MAGI2: variants seen among roughly 807,000 people sequenced by gnomAD.
MAGI2 encodes the protein membrane-associated guanylate kinase, WW and PDZ domain-containing protein 2.
In MAGI2, 35 loss-of-function variants were observed where a neutral mutation model predicts 133.3. The observed-to-expected ratio is 0.26, with a 90% CI of 0.20 to 0.35. The LOEUF (loss-of-function observed/expected upper bound fraction) is 0.35. MAGI2 is among the 10% of genes least tolerant of loss of function. The pLI is 1.00. For synonymous variants in MAGI2, 729 were observed against 710.6 expected (o/e 1.03, Z -0.41); for missense variants, 1,636 against 1,863.4 (o/e 0.88, Z 2.25).
At chr7:79,416,692 T>A (rs1219052251) in intron 1 of MAGI2, among the ~76,000 whole-genome samples, 1 of 150,778 alleles carries the variant, frequency 6.6e-6, no homozygotes, top group Non-Finnish European at 1.5e-5. Flanking sequence ...TACACAGAGG[T>A]CCATTGTTTC....
chr7:78,760,462 G>C (rs192666584), intron 2 of MAGI2, among the ~76,000 whole-genome samples: 45 of 149,774 alleles, frequency 3.0e-4, no homozygotes, highest in African/African-American at 9.4e-4. Flanking sequence ...TCCTGGGTTC[G>C]AGCGATTCTC....
intron 1 of MAGI2, among the ~76,000 whole-genome samples, chr7:79,216,519 G>A (rs187151075): frequency 6.6e-6 from 1 of 151,920 alleles, no homozygotes; most frequent in East Asian, 1.9e-4. Flanking sequence ...TGTAATACAG[G>A]CCCACTTGAG....
At chr7:78,243,914 C>T (rs1791458568) in intron 10 of MAGI2, among the ~76,000 whole-genome samples, 1 of 151,754 alleles carries the variant, frequency 6.6e-6, no homozygotes, top group African/African-American at 2.4e-5. Context: ...GTAATTATTC[C>T]CTCCTCTACA....
intron 21 of MAGI2, among the ~76,000 whole-genome samples, chr7:78,028,869 A>T (rs1809252592): frequency 6.7e-6 from 1 of 148,980 alleles, no homozygotes; most frequent in South Asian, 2.1e-4. Flanking sequence ...AAAAAAAAAA[A>T]GAACTATGTT....
chr7:78,891,632 A>C (rs540099161), intron 2 of MAGI2, among the ~76,000 whole-genome samples: 1 of 152,260 alleles, frequency 6.6e-6, no homozygotes, highest in South Asian at 2.1e-4. Flanking sequence ...AAAAACTACA[A>C]GATTATCTCA....
At position 78,531,530 on chromosome 7, in the gene MAGI2, T is replaced by C. The variant is rs564416367; in HGVS notation, c.539-9885A>G. Among the ~76,000 whole-genome samples, 314 of 152,256 alleles carry C rather than the reference T, an allele frequency of 2.1e-3. 1 individual carries two copies. The highest frequency in any genetic ancestry group is 7.3e-3 in the African/African-American group (303 of 41,552). On this transcript the variant is annotated intron_variant, in intron 3 of 21. Transcript: ENST00000354212. ...CCTGGCCTTATTTAAGATTTTTAAGTGTCTAGTGAGCTCAATGCTTAAGAG... is the reference window on the plus strand; with the variant it reads ...CCTGGCCTTATTTAAGATTTTTAAGCGTCTAGTGAGCTCAATGCTTAAGAG...
At chr7:78,690,770 T>A (rs1816871476) in intron 2 of MAGI2, among the ~76,000 whole-genome samples, 1 of 152,230 alleles carries the variant, frequency 6.6e-6, no homozygotes, top group African/African-American at 2.4e-5. Context: ...GGATGAAAAC[T>A]TTTTAATGAT....
chr7:79,229,717 A>G (rs889872972), intron 1 of MAGI2, among the ~76,000 whole-genome samples: 6 of 152,152 alleles, frequency 3.9e-5, no homozygotes, highest in Non-Finnish European at 5.9e-5. Flanking sequence ...AACTGATGAT[A>G]TGACTTCTCA....
At chr7:78,185,126 A>T (rs1376093658) in intron 13 of MAGI2, among the ~76,000 whole-genome samples, 1 of 152,244 alleles carries the variant, frequency 6.6e-6, no homozygotes, top group Non-Finnish European at 1.5e-5. Context: ...TTTTCATAAT[A>T]TATTTTGTTT....
chr7:79,451,738 GCAGGTAATGA>G (rs1849269646), intron 1 of MAGI2, among the ~76,000 whole-genome samples: 1 of 152,174 alleles, frequency 6.6e-6, no homozygotes, highest in African/African-American at 2.4e-5. Flanking sequence ...GCGGCAAAAT[GCAGGTAATGA>G]CATGCTCAAT....
At chr7:78,164,851 G>C (rs1174551389) in intron 15 of MAGI2, among the ~76,000 whole-genome samples, 1 of 152,184 alleles carries the variant, frequency 6.6e-6, no homozygotes, top group Non-Finnish European at 1.5e-5. Context: ...TGTGCCATTA[G>C]CTTGAATGTC....
At chr7:78,497,838 A>T (rs1187532830) in intron 5 of MAGI2, among the ~76,000 whole-genome samples, 2 of 151,458 alleles carry the variant, frequency 1.3e-5, no homozygotes, top group African/African-American at 2.4e-5. Flanking sequence ...CATGATCTTC[A>T]TTTCAAAGGA....
At chr7:78,965,706 T>C (rs1266786136) in intron 2 of MAGI2, among the ~76,000 whole-genome samples, 1 of 152,050 alleles carries the variant, frequency 6.6e-6, no homozygotes, top group Non-Finnish European at 1.5e-5. Context: ...AGAAATCAAA[T>C]CCTAGGTATC....
chr7:79,128,615 A>C (rs903665529), intron 1 of MAGI2, among the ~76,000 whole-genome samples: 1 of 152,168 alleles, frequency 6.6e-6, no homozygotes, highest in Non-Finnish European at 1.5e-5. Context: ...TTTCAACATT[A>C]TACTATTCTG....
At chr7:78,045,371 A>C (rs183733396) in intron 21 of MAGI2, among the ~76,000 whole-genome samples, 1 of 152,266 alleles carries the variant, frequency 6.6e-6, no homozygotes, top group Admixed American at 6.5e-5. Flanking sequence ...TGACCTATCC[A>C]TATCCTTAAG....
chr7:78,226,397 T>A (rs545566295), intron 10 of MAGI2, among the ~76,000 whole-genome samples: 68 of 152,190 alleles, frequency 4.5e-4, no homozygotes, highest in African/African-American at 1.5e-3. Flanking sequence ...ATTAATGGAT[T>A]ATAGACAAAA....
At chr7:79,126,440 C>G (rs1197538579) in intron 1 of MAGI2, among the ~76,000 whole-genome samples, 2 of 152,042 alleles carry the variant, frequency 1.3e-5, no homozygotes, top group African/African-American at 4.8e-5. Context: ...CTAAAGTTCT[C>G]TTACTCATTT....
At chr7:78,613,142 A>G (rs1806657211) in intron 3 of MAGI2, among the ~76,000 whole-genome samples, 1 of 152,198 alleles carries the variant, frequency 6.6e-6, no homozygotes, top group Non-Finnish European at 1.5e-5. Context: ...AGATTTACTG[A>G]AAAACATGTA....
chr7:78,646,347 A>G (rs1810892958), intron 2 of MAGI2, among the ~76,000 whole-genome samples: 1 of 152,154 alleles, frequency 6.6e-6, no homozygotes. Flanking sequence ...ATAATCATAT[A>G]AGAGTATGGA....
Sources: gnomAD v4.1 joint callset for allele counts (sites outside exome capture counted in the v4.1 genomes callset) on GRCh38, gnomAD v4.1.1 for gene constraint, MANE v1.5 for transcripts, NCBI Gene and HGNC (gene_info 2026-07-23, HGNC 2026-07-21) for gene names.